TMC1: variants seen among roughly 807,000 people sequenced by gnomAD.
TMC1 encodes the protein transmembrane channel like 1.
TMC1 carries 84 observed loss-of-function variants against 105.8 expected under a neutral mutation model. The observed-to-expected ratio is 0.79, with a 90% CI of 0.67 to 0.95. The LOEUF is 0.95. TMC1 is among the 40% of genes least tolerant of loss of function. The probability of loss-of-function intolerance (pLI) is 0.00; values close to 1 mark genes in which losing one functional copy is unlikely to be tolerated. For missense variants in TMC1, 817 were observed against 914.1 expected, an observed-to-expected ratio of 0.89 and a Z score of 1.37; for synonymous variants, 315 against 311.5, an observed-to-expected ratio of 1.01 and a Z score of -0.12.
chr9:72,654,906 T>G (rs572929772), intron 5 of TMC1, among the ~76,000 whole-genome samples: 3 of 152,318 alleles, frequency 2.0e-5, no homozygotes, highest in South Asian at 2.1e-4. Context: ...AATGATTATC[T>G]GAACTTCTGT....
intron 18 of TMC1, among the ~76,000 whole-genome samples, chr9:72,805,811 T>A (rs1185139928): frequency 6.6e-6 from 1 of 151,868 alleles, no homozygotes; most frequent in African/African-American, 2.4e-5. Context: ...CCTTAATCCA[T>A]TTAACCCTGA....
chr9:72,746,565 AT>A (rs1048702387), intron 10 of TMC1, among the ~76,000 whole-genome samples: 2 of 142,788 alleles, frequency 1.4e-5, no homozygotes, highest in Non-Finnish European at 3.0e-5. Flanking sequence ...CCAAATAAGT[AT>A]TTTTAAAATG....
At chr9:72,558,863 T>C (rs754644839) in intron 1 of TMC1, among the ~76,000 whole-genome samples, 2 of 152,218 alleles carry the variant, frequency 1.3e-5, no homozygotes, top group African/African-American at 2.4e-5. Context: ...ATTGTGCTTA[T>C]ACAGTTAAAA....
At chr9:72,726,396 G>A (rs979562341) in intron 8 of TMC1, among the ~76,000 whole-genome samples, 1 of 152,152 alleles carries the variant, frequency 6.6e-6, no homozygotes, top group Non-Finnish European at 1.5e-5. Context: ...CTCTTATTGT[G>A]TTTCTTGACC....
intron 5 of TMC1, among the ~76,000 whole-genome samples, chr9:72,685,155 A>G (rs1187040989): frequency 4.0e-5 from 5 of 125,934 alleles, no homozygotes; most frequent in South Asian, 2.4e-4. Flanking sequence ...CGCCCAGGCC[A>G]GAGTGCAGTG....
chr9:72,523,609 A>G (rs1033197702), intron 1 of TMC1, among the ~76,000 whole-genome samples: 1 of 151,746 alleles, frequency 6.6e-6, no homozygotes, highest in African/African-American at 2.4e-5. Context: ...GTCATCTTCA[A>G]GTTGAATAGG....
intron 18 of TMC1, among the ~76,000 whole-genome samples, chr9:72,813,131 C>T (rs1828730706): frequency 6.6e-6 from 1 of 152,088 alleles, no homozygotes; most frequent in Non-Finnish European, 1.5e-5. Context: ...TTTATGATCT[C>T]AAAGTTCAAG....
chr9:72,543,329 G>C (rs982207144), intron 1 of TMC1, among the ~76,000 whole-genome samples: 1 of 152,076 alleles, frequency 6.6e-6, no homozygotes, highest in Non-Finnish European at 1.5e-5. Flanking sequence ...TGCATCTCAG[G>C]TCTATGTACT....
intron 1 of TMC1, among the ~76,000 whole-genome samples, chr9:72,538,394 C>CTTGTATTGTATTGTATTGTA (rs71357577): frequency 0.039 from 5,607 of 143,832 alleles, 164 homozygotes; most frequent in African/African-American, 0.056. Context: ...GGATAAAATA[C>CTTGTATTGTATTGTATTGTA]TTGTATTGTA....
intron 23 of TMC1, among the ~76,000 whole-genome samples, chr9:72,831,588 TCCC>T (rs55744310): frequency 0.086 from 13,048 of 151,918 alleles, 670 homozygotes; most frequent in Non-Finnish European, 0.13. Context: ...CCCTCCCTGC[TCCC>T]CCCACCGCAC....
At chr9:72,707,050 C>T (rs1293618609) in intron 8 of TMC1, among the ~76,000 whole-genome samples, 2 of 152,322 alleles carry the variant, frequency 1.3e-5, no homozygotes, top group African/African-American at 4.8e-5. Context: ...GCTGGGATTA[C>T]AGGCGTAAGC....
intron 5 of TMC1, among the ~76,000 whole-genome samples, chr9:72,667,790 G>A (rs551037271): frequency 7.9e-5 from 12 of 152,256 alleles, no homozygotes; most frequent in Admixed American, 2.0e-4. Flanking sequence ...TATCAATTCT[G>A]TCAGCAGAAT....
chr9:72,740,214 G>T lies in TMC1; in HGVS notation c.453+5G>T. 1.7e-5 allele frequency: 27 copies of T among 1,612,644 alleles called. No individual in the cohort carries two copies. The highest frequency in any genetic ancestry group is 2.3e-5 in the Non-Finnish European group (27 of 1,178,834). ...TTTAAGATGATGATGGCCAAGGTAGGTATTTTTATAGTTGTCTGGTTTATG... is the reference window on the plus strand; with the variant it reads ...TTTAAGATGATGATGGCCAAGGTAGTTATTTTTATAGTTGTCTGGTTTATG... On this transcript the variant is annotated splice_donor_5th_base_variant and intron_variant, in intron 9 of 23. Coordinates refer to ENST00000297784, the MANE Select transcript of TMC1 (RefSeq NM_138691.3).
intron 1 of TMC1, among the ~76,000 whole-genome samples, chr9:72,552,439 G>C (rs4472583): frequency 0.54 from 81,440 of 151,824 alleles, 23,051 homozygotes; most frequent in African/African-American, 0.73. Context: ...TCTGGAGACC[G>C]ACTAACCTTC....
intron 4 of TMC1, among the ~76,000 whole-genome samples, chr9:72,637,396 CCT>C (rs1433455364): frequency 1.3e-5 from 2 of 152,002 alleles, no homozygotes; most frequent in Admixed American, 6.5e-5. Flanking sequence ...ATGGCTCTCC[CCT>C]GTTTCCATCC....
intron 12 of TMC1, among the ~76,000 whole-genome samples, chr9:72,755,909 A>G (rs1457546152): frequency 2.0e-5 from 3 of 152,190 alleles, no homozygotes; most frequent in Non-Finnish European, 2.9e-5. Flanking sequence ...TCAGCCCGTA[A>G]TCTAGTCCTC....
chr9:72,830,738 C>CTTTTTTTTTTTTTTTTTTTTTTTTTTCT, intron 23 of TMC1, 56 bp downstream of exon 23: 2 of 1,146,926 alleles, frequency 1.7e-6, no homozygotes, highest in Admixed American at 2.6e-5. Flanking sequence ...CTTTTTCTTT[C>CTTTTTTTTTTTTTTTTTTTTTTTTTTCT]TTTTTTTTTT....
intron 1 of TMC1, among the ~76,000 whole-genome samples, chr9:72,545,579 C>T (rs927988564): frequency 5.3e-5 from 8 of 152,112 alleles, no homozygotes; most frequent in African/African-American, 1.9e-4. Flanking sequence ...CCTCTGCCTC[C>T]TGGGTTCAAG....
chr9:72,693,654 T>C (rs1471484521), intron 6 of TMC1, among the ~76,000 whole-genome samples: 1 of 152,164 alleles, frequency 6.6e-6, no homozygotes, highest in African/African-American at 2.4e-5. Flanking sequence ...AACTGTAATA[T>C]TTAATTTTTT....
Sources: allele counts gnomAD v4.1 joint callset (sites outside exome capture counted in the v4.1 genomes callset), GRCh38; gene constraint gnomAD v4.1.1; transcripts MANE v1.5; gene names NCBI Gene and HGNC (gene_info 2026-07-23, HGNC 2026-07-21).